The following SETX variants were observed in gnomAD, a reference collection of about 807,000 sequenced individuals.
SETX encodes senataxin.
Under a neutral mutation model 227.2 loss-of-function variants are expected in SETX, and 90 were observed. That is an observed-to-expected ratio of 0.40 (90% CI 0.33 to 0.47). The LOEUF is 0.47. SETX is among the 20% of genes least tolerant of loss of function. The probability of loss-of-function intolerance (pLI) is 0.91; values close to 1 mark genes in which losing one functional copy is unlikely to be tolerated. For synonymous variants in SETX, 1,210 were observed against 1,113.2 expected (o/e 1.09, Z -1.73); for missense variants, 3,052 against 3,181.5 (o/e 0.96, Z 0.98).
At chr9:132,347,725 C>T (rs564659373) in intron 3 of SETX, among the ~76,000 whole-genome samples, 2 of 151,524 alleles carry the variant, frequency 1.3e-5, no homozygotes, top group South Asian at 2.1e-4. Context: ...AACCGAGGCC[C>T]TTCTATGTCT....
At position 132,327,150 on chromosome 9, in the gene SETX, CCTT is replaced by C. The variant is rs780884686; in HGVS notation, c.4445_4447del (p.Glu1482del). 7.4e-6 allele frequency: 12 copies of C among 1,614,170 alleles called. No homozygotes were observed. The highest frequency in any genetic ancestry group is 2.2e-5 in the South Asian group (2 of 91,086). On this transcript the variant is annotated inframe_deletion, in exon 10 of 26. Transcript: ENST00000224140. ...TGCATCACTGCTGGAGTCAGGCTCT[CCTT>C]CTTTCAAAGCTGCCATCTCTATATG...
At chr9:132,289,545 G>A (rs747670177) in intron 15 of SETX, among the ~76,000 whole-genome samples, 13 of 152,000 alleles carry the variant, frequency 8.6e-5, no homozygotes, top group African/African-American at 3.1e-4. Context: ...GGTACCCTAC[G>A]GGTGGTATTG....
At chr9:132,340,438 G>C (rs898999829) in intron 5 of SETX, among the ~76,000 whole-genome samples, 15 of 152,286 alleles carry the variant, frequency 9.8e-5, no homozygotes, top group African/African-American at 3.6e-4. Context: ...TTTTCACTCT[G>C]GGGTACTGGC....
chr9:132,298,097 T>C lies in SETX; in HGVS notation c.5764A>G (p.Thr1922Ala). ...TCACTCACAATTCTCTCAGATGTTG[T>C]AGTCAGTAAATCTTTTGTACAGAAG... Reference protein sequence around the residue: ...MDFCTKDLLTTTSERIIAYLR... With the variant: ...MDFCTKDLLTATSERIIAYLR... Residue 1922 changes from threonine (T) to alanine (A), a missense_variant, in exon 13 of 26, where the codon ACA (threonine) becomes GCA (alanine). By Grantham distance (58) the Thr-to-Ala change is moderately conservative. Around this residue, in one of 10 missense-constraint regions of SETX, gnomAD observed 239 missense variants for 272.1 expected, o/e 0.88. Coordinates refer to ENST00000224140, the MANE Select transcript of SETX (RefSeq NM_015046.7). 1.9e-6 allele frequency: 3 copies of C among 1,613,414 alleles called. No individual in the cohort carries two copies. Among genetic ancestry groups the C allele is most frequent in the East Asian group, 2.2e-5 (1 of 44,872 alleles).
intron 15 of SETX, among the ~76,000 whole-genome samples, chr9:132,292,061 T>C (rs1193616323): frequency 6.6e-6 from 1 of 152,192 alleles, no homozygotes; most frequent in East Asian, 1.9e-4. Flanking sequence ...TAATTTATTT[T>C]TTCTGGCTTA....
chr9:132,315,714 C>T (rs959362150), intron 10 of SETX, among the ~76,000 whole-genome samples: 2 of 152,190 alleles, frequency 1.3e-5, no homozygotes, highest in Admixed American at 6.5e-5. Flanking sequence ...ACCCATCAAA[C>T]TCAATGATGA....
At position 132,261,822 on chromosome 9, in the gene SETX, ATTTGAAATAACTAAT is replaced by A. The variant is rs1240964304; in HGVS notation, c.*2402_*2416del. ...ACAAGCTTTTAAGTAGCACATATTC[ATTTGAAATAACTAAT>A]ATTGAAAGAAGACAGGGAACTTTCT... On this transcript the variant is annotated 3_prime_UTR_variant, in exon 26 of 26. Coordinates refer to ENST00000224140, the MANE Select transcript of SETX (RefSeq NM_015046.7). 1.3e-5 allele frequency: 2 copies of A among 154,794 alleles called. No homozygotes were observed. The highest frequency in any genetic ancestry group is 4.8e-5 in the African/African-American group (2 of 41,540). 9.6% of individuals were successfully genotyped at this position (154,794 alleles called of 1,614,324 possible). A position where few individuals can be genotyped will look rare whatever the true frequency, so the allele number is the denominator to read the frequency against.
intron 20 of SETX, among the ~76,000 whole-genome samples, chr9:132,279,282 G>A (rs1318758466): frequency 2.0e-5 from 3 of 152,122 alleles, no homozygotes; most frequent in Non-Finnish European, 4.4e-5. Flanking sequence ...AGGGGAGGGG[G>A]AGGGATAGCA....
intron 23 of SETX, among the ~76,000 whole-genome samples, chr9:132,274,475 G>A (rs1843057200): frequency 6.9e-6 from 1 of 144,592 alleles, no homozygotes; most frequent in Non-Finnish European, 1.5e-5. Flanking sequence ...GTCTCGCTCT[G>A]TCACCCAGGC....
At chr9:132,356,688 C>G (rs185818336), upstream of SETX, among the ~76,000 whole-genome samples, 172 of 152,156 alleles carry the variant, frequency 1.1e-3, no homozygotes, top group African/African-American at 3.9e-3. Context: ...AACCCTGGCC[C>G]GAGGATGAGG....
At chr9:132,320,259 T>C (rs778814717) in intron 10 of SETX, among the ~76,000 whole-genome samples, 62 of 152,094 alleles carry the variant, frequency 4.1e-4, no homozygotes, top group Middle Eastern at 3.4e-3. Flanking sequence ...AAATAGGATA[T>C]AAACCAAATT....
chr9:132,349,737 G>C (rs986412282), intron 2 of SETX, among the ~76,000 whole-genome samples: 1 of 152,162 alleles, frequency 6.6e-6, no homozygotes, highest in Non-Finnish European at 1.5e-5. Flanking sequence ...AAAATATATA[G>C]AGACCCAGAC....
intron 11 of SETX, among the ~76,000 whole-genome samples, chr9:132,302,816 A>T (rs1267782773): frequency 6.6e-6 from 1 of 152,118 alleles, no homozygotes; most frequent in African/African-American, 2.4e-5. Flanking sequence ...TATTTTTTAT[A>T]AAACAACAAT....
intron 15 of SETX, among the ~76,000 whole-genome samples, chr9:132,289,084 G>A (rs75147566): frequency 0.082 from 12,421 of 152,230 alleles, 632 homozygotes; most frequent in East Asian, 0.24. Flanking sequence ...ATATGGAACA[G>A]TAAGTTGTAG....
intron 10 of SETX, among the ~76,000 whole-genome samples, chr9:132,315,924 G>A (rs959649236): frequency 4.6e-5 from 7 of 152,194 alleles, no homozygotes; most frequent in African/African-American, 7.2e-5. Context: ...GAAGGGGGGT[G>A]TGTGAGAGAT....
intron 14 of SETX, among the ~76,000 whole-genome samples, chr9:132,296,236 T>C (rs1326893209): frequency 6.6e-6 from 1 of 152,178 alleles, no homozygotes; most frequent in East Asian, 1.9e-4. Context: ...GAGCCTTACT[T>C]TATCATCCAC....
chr9:132,320,173 A>G (rs958337325), intron 10 of SETX, among the ~76,000 whole-genome samples: 164 of 152,330 alleles, frequency 1.1e-3, no homozygotes, highest in African/African-American at 3.8e-3. Context: ...TTCGTAAGAG[A>G]TAATTCTACG....
At chr9:132,322,754 A>C (rs1846439788) in intron 10 of SETX, among the ~76,000 whole-genome samples, 4 of 152,230 alleles carry the variant, frequency 2.6e-5, no homozygotes, top group Admixed American at 2.6e-4. Context: ...AACAGAAAGG[A>C]CTATAAACAC....
chr9:132,347,834 G>A (rs891516787), intron 3 of SETX, among the ~76,000 whole-genome samples: 3 of 151,938 alleles, frequency 2.0e-5, no homozygotes, highest in Non-Finnish European at 1.5e-5. Flanking sequence ...TAAAGTGCAC[G>A]TTTCTCAACA....
Sources: allele counts gnomAD v4.1 joint callset (sites outside exome capture counted in the v4.1 genomes callset), GRCh38; gene constraint gnomAD v4.1.1; regional missense constraint gnomAD v4.1.1; transcripts MANE v1.5; gene names NCBI Gene and HGNC (gene_info 2026-07-23, HGNC 2026-07-21).